LURAP1L: variants seen among roughly 807,000 people sequenced by gnomAD.
LURAP1L encodes the protein leucine rich adaptor protein 1-like.
Under a neutral mutation model 13.8 loss-of-function variants are expected in LURAP1L, and 12 were observed. The observed-to-expected ratio is 0.87, with a 90% CI of 0.56 to 1.41. The LOEUF is 1.41. Among genes scored for constraint, LURAP1L ranks in the 40% most tolerant of loss-of-function variants. The pLI is 0.00. For missense variants in LURAP1L, 375 were observed against 292.9 expected (o/e 1.28, Z -2.04); for synonymous variants, 139 against 119.2 (o/e 1.17, Z -1.08).
At chr9:12,817,538 G>A (rs1295024954) in intron 1 of LURAP1L, among the ~76,000 whole-genome samples, 1 of 152,154 alleles carries the variant, frequency 6.6e-6, no homozygotes, top group Non-Finnish European at 1.5e-5. Context: ...TCAAGGCATG[G>A]GTATTGCATA....
intron 1 of LURAP1L, among the ~76,000 whole-genome samples, chr9:12,782,209 T>C (rs1819282675): frequency 6.6e-6 from 1 of 152,244 alleles, no homozygotes; most frequent in Non-Finnish European, 1.5e-5. Flanking sequence ...TCATGGGTTG[T>C]CTCTCCACTT....
chr9:12,809,350 G>A (rs1453946611), intron 1 of LURAP1L, among the ~76,000 whole-genome samples: 2 of 152,086 alleles, frequency 1.3e-5, no homozygotes, highest in Non-Finnish European at 2.9e-5. Flanking sequence ...TCAGTTTGGG[G>A]AGTTTCTGTG....
intron 1 of LURAP1L, among the ~76,000 whole-genome samples, chr9:12,817,412 G>A (rs1409938866): frequency 6.6e-6 from 1 of 152,106 alleles, no homozygotes; most frequent in Non-Finnish European, 1.5e-5. Flanking sequence ...AGCACTCTGT[G>A]GTGCTTCCAT....
intron 1 of LURAP1L, among the ~76,000 whole-genome samples, chr9:12,779,296 A>G (rs1395140657): frequency 1.9e-5 from 2 of 103,788 alleles, no homozygotes; most frequent in East Asian, 7.4e-4. Context: ...TTTTTTTGAG[A>G]CGGAGTCTCG....
At chr9:12,815,666 A>G (rs1294156062) in intron 1 of LURAP1L, among the ~76,000 whole-genome samples, 1 of 152,162 alleles carries the variant, frequency 6.6e-6, no homozygotes, top group Non-Finnish European at 1.5e-5. Context: ...ACTAGTTGAC[A>G]TTCATAAATA....
At chr9:12,804,106 T>A (rs568291215) in intron 1 of LURAP1L, among the ~76,000 whole-genome samples, 2 of 152,324 alleles carry the variant, frequency 1.3e-5, no homozygotes, top group South Asian at 4.1e-4. Flanking sequence ...TGTATGATTT[T>A]TTTCCTGTGC....
intron 1 of LURAP1L, among the ~76,000 whole-genome samples, chr9:12,797,538 A>G (rs1473838066): frequency 6.6e-6 from 1 of 152,174 alleles, no homozygotes; most frequent in Non-Finnish European, 1.5e-5. Context: ...TTAAACCTGT[A>G]TCTACCAGGA....
Position 12,822,459 on chromosome 9 carries a change from G to A in LURAP1L, c.*699G>A, listed in dbSNP as rs16929629. On this transcript the variant is annotated 3_prime_UTR_variant, in exon 2 of 2. Transcript: ENST00000319264. Reference sequence around the variant, plus strand: ...AATGTATTATTCTCCCAAATTTCAAGGAATAATTGAGATTAAGTATGGAGG... The same window carrying A: ...AATGTATTATTCTCCCAAATTTCAAAGAATAATTGAGATTAAGTATGGAGG... Among the ~76,000 whole-genome samples the A allele has an allele frequency of 0.35, 53,415 of 152,018 alleles. 10,622 individuals are homozygous for A. The highest frequency in any genetic ancestry group is 0.55 in the African/African-American group (22,630 of 41,462).
In LURAP1L at chr9:12,804,678, T is replaced by A. The variant is rs1047551366; in HGVS notation, c.313-16708T>A. Among the ~76,000 whole-genome samples, 42 of 152,278 alleles carry A rather than the reference T, an allele frequency of 2.8e-4. No homozygotes were observed. In the Middle Eastern group the frequency reaches 0.02, roughly 74 times the overall value. On this transcript the variant is annotated intron_variant, in intron 1 of 1. Coordinates refer to ENST00000319264, the MANE Select transcript of LURAP1L (RefSeq NM_203403.2). ...TGATTCTATCAAAAAAATTTTTTTT[T>A]AAATAGTAAAAATATAGAAATATAA...
At chr9:12,810,619 C>G (rs558792040) in intron 1 of LURAP1L, among the ~76,000 whole-genome samples, 20 of 152,124 alleles carry the variant, frequency 1.3e-4, no homozygotes, top group African/African-American at 4.8e-4. Flanking sequence ...AGGCATCTAG[C>G]TAAGTACAGG....
At chr9:12,780,213 C>T (rs916479996) in intron 1 of LURAP1L, among the ~76,000 whole-genome samples, 2 of 152,206 alleles carry the variant, frequency 1.3e-5, no homozygotes, top group Non-Finnish European at 2.9e-5. Flanking sequence ...TTAAGCAGTA[C>T]TTTCAAATTG....
chr9:12,796,867 T>C (rs987049663), intron 1 of LURAP1L, among the ~76,000 whole-genome samples: 31 of 151,634 alleles, frequency 2.0e-4, no homozygotes, highest in African/African-American at 7.3e-4. Flanking sequence ...CTTGGGTAAG[T>C]TATCTTCAAA....
intron 1 of LURAP1L, among the ~76,000 whole-genome samples, chr9:12,815,289 A>C (rs1419033699): frequency 3.9e-5 from 6 of 152,154 alleles, no homozygotes; most frequent in Non-Finnish European, 7.4e-5. Context: ...AACTGGAATA[A>C]ATTGCTGGAA....
intron 1 of LURAP1L, among the ~76,000 whole-genome samples, chr9:12,787,689 T>C (rs1418619327): frequency 1.3e-5 from 2 of 152,214 alleles, no homozygotes; most frequent in African/African-American, 2.4e-5. Context: ...TATTTGTTAA[T>C]TGGCATTCCA....
At chr9:12,794,407 C>A (rs995168877) in intron 1 of LURAP1L, among the ~76,000 whole-genome samples, 3 of 151,986 alleles carry the variant, frequency 2.0e-5, no homozygotes, top group African/African-American at 7.2e-5. Context: ...GATCAAATAA[C>A]TTGAAAAACT....
rs1372054428 is a variant in LURAP1L at position 12,822,068 on chromosome 9, G to A, written c.*308G>A. 8.2e-6 allele frequency: 2 copies of A among 242,970 alleles called. No homozygotes were observed. The highest frequency in any genetic ancestry group is 1.4e-3 in the Middle Eastern group (1 of 706). The allele number at this position is 242,970 out of a possible 1,614,324, so 15.1% of individuals were successfully genotyped here. ...TTTTGCTTTTGTTTTCAGAGCAATG[G>A]GTCAGGGATTACAAGAAAAACTTTG... is the stretch of plus-strand genomic sequence containing the variant. On this transcript the variant is annotated 3_prime_UTR_variant, in exon 2 of 2. Transcript: ENST00000319264.
chr9:12,789,739 G>C (rs994628863), intron 1 of LURAP1L, among the ~76,000 whole-genome samples: 1 of 152,140 alleles, frequency 6.6e-6, no homozygotes, highest in African/African-American at 2.4e-5. Flanking sequence ...GGAGCCTGAT[G>C]CTTCTTACCA....
At chr9:12,808,602 T>C (rs1166737270) in intron 1 of LURAP1L, among the ~76,000 whole-genome samples, 2 of 152,190 alleles carry the variant, frequency 1.3e-5, no homozygotes, top group South Asian at 2.1e-4. Flanking sequence ...TTGGTGTAAA[T>C]CTTATACTTG....
intron 1 of LURAP1L, among the ~76,000 whole-genome samples, chr9:12,792,910 A>T (rs1819461749): frequency 6.6e-6 from 1 of 151,936 alleles, no homozygotes; most frequent in African/African-American, 2.4e-5. Flanking sequence ...ATTATTCCTT[A>T]TTTGGAAGTT....
Sources: allele counts gnomAD v4.1 joint callset (sites outside exome capture counted in the v4.1 genomes callset), GRCh38; gene constraint gnomAD v4.1.1; transcripts MANE v1.5; gene names NCBI Gene and HGNC (gene_info 2026-07-23, HGNC 2026-07-21).